COP1: variants seen among roughly 807,000 people sequenced by gnomAD.
The protein encoded by COP1 is E3 ubiquitin-protein ligase COP1.
In COP1, 24 loss-of-function variants were observed where a neutral mutation model predicts 101.3. The observed-to-expected ratio is 0.24, with a 90% CI of 0.17 to 0.33. The LOEUF (loss-of-function observed/expected upper bound fraction) is 0.33. Among genes scored for constraint, COP1 ranks in the 10% least tolerant of loss-of-function variants. COP1 has a pLI of 1.00. For synonymous variants in COP1, 347 were observed against 341.9 expected (o/e 1.01, Z -0.17); for missense variants, 663 against 906.2 (o/e 0.73, Z 3.45).
chr1:175,948,229 T>A lies in COP1; in HGVS notation c.2134-990A>T, dbSNP rs1240308214. ...ACATGACTGAGTTTACTAGAGAGAA[T>A]CTCAGAAAGTAGGAAGAATGGAGAC... is the stretch of plus-strand genomic sequence containing the variant. On this transcript the variant is annotated intron_variant, in intron 18 of 19. Transcript: ENST00000367669. 3.9e-5 allele frequency among the ~76,000 whole-genome samples: 6 copies of A among 152,260 alleles called. No individual in the cohort carries two copies. In the East Asian group the frequency reaches 1.2e-3, roughly 29 times the overall value.
intron 15 of COP1, among the ~76,000 whole-genome samples, chr1:175,996,901 T>TC (rs1338546326): frequency 6.6e-6 from 1 of 151,944 alleles, no homozygotes; most frequent in Non-Finnish European, 1.5e-5. Context: ...AAAACTACTT[T>TC]CAAGTTCATA....
At chr1:176,007,964 G>C (rs754977190) in intron 15 of COP1, among the ~76,000 whole-genome samples, 1 of 152,164 alleles carries the variant, frequency 6.6e-6, no homozygotes, top group Non-Finnish European at 1.5e-5. Context: ...CTTGCAGTTT[G>C]ATCTCAGACT....
At chr1:175,997,635 A>C (rs944593840) in intron 15 of COP1, among the ~76,000 whole-genome samples, 1 of 152,224 alleles carries the variant, frequency 6.6e-6, no homozygotes, top group Admixed American at 6.5e-5. Flanking sequence ...GCAGCCAAAA[A>C]ACACATGAAA....
intron 5 of COP1, among the ~76,000 whole-genome samples, chr1:176,153,874 T>C (rs945257410): frequency 1.3e-5 from 2 of 152,250 alleles, no homozygotes; most frequent in African/African-American, 4.8e-5. Flanking sequence ...TGTAGTTCCA[T>C]TCGTGTGATA....
chr1:176,005,542 G>C (rs1180335199), intron 15 of COP1, among the ~76,000 whole-genome samples: 4 of 152,250 alleles, frequency 2.6e-5, no homozygotes, highest in African/African-American at 9.6e-5. Context: ...AGAGATTCTG[G>C]TATGTTGTGT....
At chr1:175,949,138 G>C (rs1156734518) in intron 18 of COP1, among the ~76,000 whole-genome samples, 2 of 117,330 alleles carry the variant, frequency 1.7e-5, no homozygotes, top group East Asian at 3.0e-4. Context: ...ACTCCAGCCT[G>C]GCTGGAGAGA....
chr1:176,125,226 T>A (rs1350198899), intron 8 of COP1, among the ~76,000 whole-genome samples: 1 of 152,194 alleles, frequency 6.6e-6, no homozygotes, highest in Non-Finnish European at 1.5e-5. Flanking sequence ...CTTTGCTGAT[T>A]GTTTCCTTTG....
At chr1:176,175,829 G>A (rs966811846) in intron 3 of COP1, 81 bp downstream of exon 3, 4 of 737,210 alleles carry the variant, frequency 5.4e-6, no homozygotes, top group Admixed American at 2.2e-5. Context: ...CACTAAGGTA[G>A]GTTTTCTGAA....
rs187934719 is a variant in COP1 at position 176,027,742 on chromosome 1, A to T, written c.1613-54T>A. ...AGAGAAACAAGTAATACATTAGTAA[A>T]TGCTTCTGTAACTTGGGAAAGTTGG... On this transcript the variant is annotated intron_variant, in intron 14 of 19. Coordinates refer to ENST00000367669, the MANE Select transcript of COP1 (RefSeq NM_022457.7). 4.0e-4 allele frequency: 419 copies of T among 1,037,090 alleles called. 2 individuals are homozygous for T. The African/African-American group carries it at 5.8e-3, about 14-fold the overall frequency. The allele number at this position is 1,037,090 out of a possible 1,614,324, so 64.2% of individuals were successfully genotyped here.
At chr1:176,000,906 G>T (rs941862774) in intron 15 of COP1, among the ~76,000 whole-genome samples, 5 of 151,916 alleles carry the variant, frequency 3.3e-5, no homozygotes, top group Non-Finnish European at 7.4e-5. Context: ...TAGTTCAGAT[G>T]ATCACTAATT....
intron 5 of COP1, among the ~76,000 whole-genome samples, chr1:176,153,765 A>G (rs1248955712): frequency 1.3e-5 from 2 of 152,172 alleles, no homozygotes; most frequent in Non-Finnish European, 2.9e-5. Flanking sequence ...ATGTTCCTTC[A>G]ATACCTAGTT....
chr1:175,981,181 T>C (rs542750080), intron 18 of COP1, among the ~76,000 whole-genome samples: 1 of 152,130 alleles, frequency 6.6e-6, no homozygotes, highest in Non-Finnish European at 1.5e-5. Flanking sequence ...TGATTGAAAA[T>C]TTTTCAGGTT....
chr1:176,151,712 CT>C (rs1028013079), intron 5 of COP1, among the ~76,000 whole-genome samples: 2 of 152,202 alleles, frequency 1.3e-5, no homozygotes, highest in Non-Finnish European at 2.9e-5. Flanking sequence ...TTAAACTCTT[CT>C]TATTCCAATT....
At position 176,173,215 on chromosome 1, in the gene COP1, G is replaced by A. The variant is rs933550432; in HGVS notation, c.565+2695C>T. Among the ~76,000 whole-genome samples, 18 of 151,440 alleles carry A rather than the reference G, an allele frequency of 1.2e-4. 1 individual carries two copies. The highest frequency in any genetic ancestry group is 1.1e-3 in the Admixed American group (16 of 15,154). ...AATCCCAGCTACTAGGGAGGCTGAG[G>A]CAGGAGAATCATGTGAGCCCAGGAG... On this transcript the variant is annotated intron_variant, in intron 3 of 19. Coordinates refer to ENST00000367669, the MANE Select transcript of COP1 (RefSeq NM_022457.7).
chr1:176,038,050 C>G (rs1041841220), intron 14 of COP1, among the ~76,000 whole-genome samples: 8 of 152,184 alleles, frequency 5.3e-5, no homozygotes, highest in African/African-American at 1.9e-4. Flanking sequence ...CCCAAGGAAT[C>G]TGAAAAAGTA....
At chr1:176,193,519 T>C (rs538617943) in intron 1 of COP1, among the ~76,000 whole-genome samples, 17 of 152,252 alleles carry the variant, frequency 1.1e-4, no homozygotes, top group South Asian at 2.1e-4. Context: ...ACAGCCCAAA[T>C]TGTCCATCAA....
At chr1:176,027,786 T>C in intron 14 of COP1, 98 bp from the exon 15 acceptor site, 1 of 715,752 alleles carries the variant, frequency 1.4e-6, no homozygotes, top group East Asian at 2.7e-5. Flanking sequence ...TCCAGAAATC[T>C]TTTTGTGCCA....
chr1:176,004,093 A>C (rs1662478791), intron 15 of COP1, among the ~76,000 whole-genome samples: 1 of 148,870 alleles, frequency 6.7e-6, no homozygotes, highest in Non-Finnish European at 1.5e-5. Context: ...ATTCCTAGGT[A>C]TTTTATTCTC....
At chr1:176,060,639 A>G (rs1402779739) in intron 11 of COP1, among the ~76,000 whole-genome samples, 2 of 152,192 alleles carry the variant, frequency 1.3e-5, no homozygotes, top group Non-Finnish European at 2.9e-5. Flanking sequence ...TAGGATCACA[A>G]TATTAAATCA....
Sources: gnomAD v4.1 joint callset for allele counts (sites outside exome capture counted in the v4.1 genomes callset) on GRCh38, gnomAD v4.1.1 for gene constraint, MANE v1.5 for transcripts, NCBI Gene and HGNC (gene_info 2026-07-23, HGNC 2026-07-21) for gene names.